The following WIPF2 variants were observed in gnomAD, a reference collection of about 807,000 sequenced individuals.
WIPF2 encodes WAS/WASL interacting protein family member 2, also known as WAS/WASL-interacting protein family member 2.
Under a neutral mutation model 38.8 loss-of-function variants are expected in WIPF2, and 23 were observed. The ratio of observed to expected loss-of-function variants is 0.59; its 90% confidence interval spans 0.43 to 0.84. The LOEUF is 0.84. Among genes scored for constraint, WIPF2 ranks in the 40% least tolerant of loss-of-function variants. The pLI is 0.00. For synonymous variants in WIPF2, 210 were observed against 223.2 expected (o/e 0.94, Z 0.53); for missense variants, 574 against 580.5 (o/e 0.99, Z 0.11).
chr17:40,274,931 CAAAAAA>C (rs777312230), intron 6 of WIPF2, among the ~76,000 whole-genome samples: 1 of 45,580 alleles, frequency 2.2e-5, no homozygotes, highest in African/African-American at 8.4e-5. Context: ...GAATCTGTCT[CAAAAAA>C]AAAAAAAAAA....
intron 1 of WIPF2, among the ~76,000 whole-genome samples, chr17:40,245,301 G>A (rs1258016608): frequency 6.6e-6 from 1 of 151,854 alleles, no homozygotes; most frequent in Non-Finnish European, 1.5e-5. Context: ...TTCTAGAACA[G>A]GGCTTAGCAA....
At chr17:40,277,913 A>G (rs1358542103) in intron 7 of WIPF2, among the ~76,000 whole-genome samples, 5 of 151,468 alleles carry the variant, frequency 3.3e-5, no homozygotes, top group African/African-American at 1.2e-4. Context: ...TTTAGTAGAG[A>G]CTGGGTTTTG....
intron 1 of WIPF2, among the ~76,000 whole-genome samples, chr17:40,223,401 C>A (rs1350921501): frequency 6.6e-6 from 1 of 151,670 alleles, no homozygotes; most frequent in African/African-American, 2.4e-5. Flanking sequence ...TAGTGTTTAC[C>A]CTAGCTGGTA....
rs2030071885 is a variant in WIPF2 at position 40,219,465 on chromosome 17, G to T, written c.-97G>T. 4.1e-6 allele frequency: 1 copy of T among 241,224 alleles called. No individual in the cohort carries two copies. The highest frequency in any genetic ancestry group is 5.8e-5 in the South Asian group (1 of 17,212). 14.9% of individuals were successfully genotyped at this position (241,224 alleles called of 1,614,324 possible). A position where few individuals can be genotyped will look rare whatever the true frequency, so the allele number is the denominator to read the frequency against. ...CGAAGCCGGAGTGTAGGCGGCAGAG[G>T]ATTCGCTCCCAGAGCAGCTGCGGCC... On this transcript the variant is annotated 5_prime_UTR_variant, in exon 1 of 8. Coordinates refer to ENST00000323571, the MANE Select transcript of WIPF2 (RefSeq NM_133264.5).
intron 1 of WIPF2, among the ~76,000 whole-genome samples, chr17:40,237,673 T>C (rs1186620878): frequency 1.3e-5 from 2 of 150,176 alleles, no homozygotes; most frequent in African/African-American, 4.9e-5. Flanking sequence ...TTAGACAGAG[T>C]CTTACTCTGT....
intron 1 of WIPF2, among the ~76,000 whole-genome samples, chr17:40,222,342 G>C (rs896733154): frequency 6.6e-6 from 1 of 151,252 alleles, no homozygotes; most frequent in Non-Finnish European, 1.5e-5. Context: ...GTGAGCCACC[G>C]CGCCTGGCCG....
chr17:40,267,791 C>T (rs920164188), intron 5 of WIPF2, among the ~76,000 whole-genome samples: 1 of 152,142 alleles, frequency 6.6e-6, no homozygotes, highest in African/African-American at 2.4e-5. Context: ...CCACTGCGCC[C>T]AGCCCTTAGC....
At chr17:40,257,856 G>T (rs928373314) in intron 2 of WIPF2, among the ~76,000 whole-genome samples, 18 of 152,060 alleles carry the variant, frequency 1.2e-4, no homozygotes, top group Non-Finnish European at 2.2e-4. Flanking sequence ...GTGTGTATGT[G>T]TGCACGCATA....
Position 40,264,747 on chromosome 17 carries a change from A to T in WIPF2, c.571A>T (p.Thr191Ser). Residue 191 changes from threonine to serine, a missense_variant, in exon 5 of 8, where the codon ACA (threonine) becomes TCA (serine). By Grantham distance (58) the Thr-to-Ser change is moderately conservative. Coordinates refer to ENST00000323571, the MANE Select transcript of WIPF2 (RefSeq NM_133264.5). ...PPGRRANAPPTPLPMHSSKAP... is the reference protein window; with the variant it reads ...PPGRRANAPPSPLPMHSSKAP... ...AGGGCGGCGTGCCAACGCACCCCCC[A>T]CACCTCTGCCTATGCACAGCAGCAA... is the stretch of plus-strand genomic sequence containing the variant. 1 of 1,065,596 alleles carries T rather than the reference A, an allele frequency of 9.4e-7. No homozygotes were observed. Among genetic ancestry groups the T allele is most frequent in the Non-Finnish European group, 1.2e-6 (1 of 866,396 alleles). The allele number at this position is 1,065,596 out of a possible 1,614,324, so 66.0% of individuals were successfully genotyped here. A position where few individuals can be genotyped will look rare whatever the true frequency, so the allele number is the denominator to read the frequency against.
At position 40,281,735 on chromosome 17, in the gene WIPF2, C is replaced by T. The variant is rs1365789019; in HGVS notation, c.*3510C>T. On this transcript the variant is annotated 3_prime_UTR_variant, in exon 8 of 8. Coordinates refer to ENST00000323571, the MANE Select transcript of WIPF2 (RefSeq NM_133264.5). ...TGGGGTGTGTTTTAATTCTCCTGAT[C>T]ACTTGAAATAATCTGTAGGCTGAGT... The T allele has an allele frequency of 2.0e-5, 3 of 152,420 alleles. No individual in the cohort carries two copies. Among genetic ancestry groups the T allele is most frequent in the African/African-American group, 7.3e-5 (3 of 41,356 alleles). The allele number at this position is 152,420 out of a possible 1,614,324, so 9.4% of individuals were successfully genotyped here. A position where few individuals can be genotyped will look rare whatever the true frequency, so the allele number is the denominator to read the frequency against.
chr17:40,220,838 G>A (rs1180214157), intron 1 of WIPF2, among the ~76,000 whole-genome samples: 3 of 146,782 alleles, frequency 2.0e-5, no homozygotes, highest in Admixed American at 6.9e-5. Context: ...GTAGCGGTGC[G>A]ATCTCGGCTC....
At chr17:40,228,913 T>C (rs531032593) in intron 1 of WIPF2, among the ~76,000 whole-genome samples, 1 of 152,090 alleles carries the variant, frequency 6.6e-6, no homozygotes, top group East Asian at 1.9e-4. Flanking sequence ...TGGCCCTGAC[T>C]TGGTCTTCCA....
chr17:40,273,978 A>G lies in WIPF2; in HGVS notation c.1159A>G (p.Thr387Ala), dbSNP rs964211039. Reference protein sequence around the residue: ...PLRNGHRDSITTVRSFLDDFE... With the variant: ...PLRNGHRDSIATVRSFLDDFE... ...GAGGAATGGCCACAGAGATTCTATCACCACTGTCCGGTCTTTCTTGGGTGA... is the reference window on the plus strand; with the variant it reads ...GAGGAATGGCCACAGAGATTCTATCGCCACTGTCCGGTCTTTCTTGGGTGA... Residue 387 changes from threonine to alanine, a missense_variant, in exon 6 of 8, where the codon ACC (threonine) becomes GCC (alanine). Thr to Ala is a moderately conservative substitution (Grantham distance 58). Coordinates refer to ENST00000323571, the MANE Select transcript of WIPF2 (RefSeq NM_133264.5). 6.4e-7 allele frequency: 1 copy of G among 1,566,898 alleles called. No homozygotes were observed. Among genetic ancestry groups the G allele is most frequent in the Non-Finnish European group, 8.6e-7 (1 of 1,157,304 alleles).
intron 6 of WIPF2, 42 bp from the exon 7 acceptor site, chr17:40,277,041 C>A (rs541424554): frequency 1.3e-6 from 2 of 1,547,182 alleles, no homozygotes; most frequent in Non-Finnish European, 1.8e-6. Flanking sequence ...TGTGGGAGCA[C>A]AAGCAAGGAT....
At chr17:40,239,678 T>C (rs905981225) in intron 1 of WIPF2, among the ~76,000 whole-genome samples, 1 of 150,890 alleles carries the variant, frequency 6.6e-6, no homozygotes. Context: ...TTGGACTCTT[T>C]GGTTCAGCTT....
chr17:40,221,322 A>G (rs1334956316), intron 1 of WIPF2, among the ~76,000 whole-genome samples: 4 of 151,818 alleles, frequency 2.6e-5, no homozygotes, highest in Non-Finnish European at 5.9e-5. Context: ...TTAAGCTCTC[A>G]TTTTTTTCCC....
chr17:40,232,030 TG>T (rs1426097765), intron 1 of WIPF2, among the ~76,000 whole-genome samples: 1 of 149,882 alleles, frequency 6.7e-6, no homozygotes, highest in East Asian at 2.0e-4. Context: ...TTTTTTTTTT[TG>T]AGACAGGATC....
intron 1 of WIPF2, among the ~76,000 whole-genome samples, chr17:40,253,162 ACG>A (rs2031612949): frequency 6.6e-6 from 1 of 150,412 alleles, no homozygotes; most frequent in Admixed American, 6.7e-5. Context: ...TCCCAGGTTC[ACG>A]CCATTCTCCT....
intron 5 of WIPF2, among the ~76,000 whole-genome samples, chr17:40,265,819 GATC>G (rs1479208324): frequency 6.6e-6 from 1 of 152,274 alleles, no homozygotes; most frequent in East Asian, 1.9e-4. Context: ...CTTTTAAAAA[GATC>G]ATTAACTCCT....
Sources: allele counts gnomAD v4.1 joint callset (sites outside exome capture counted in the v4.1 genomes callset), GRCh38; gene constraint gnomAD v4.1.1; transcripts MANE v1.5; gene names NCBI Gene and HGNC (gene_info 2026-07-23, HGNC 2026-07-21).